The following FHIP2B variants were observed in gnomAD, a reference collection of about 807,000 sequenced individuals.
The protein encoded by FHIP2B is FHF complex subunit HOOK-interacting protein 2B.
Under a neutral mutation model 84.0 loss-of-function variants are expected in FHIP2B, and 72 were observed. That is an observed-to-expected ratio of 0.86 (90% CI 0.71 to 1.04). The LOEUF (loss-of-function observed/expected upper bound fraction) is 1.04. Ranked by LOEUF, FHIP2B falls within the 50% of genes least tolerant of loss-of-function variation. FHIP2B has a pLI of 0.00. For synonymous variants in FHIP2B, 497 were observed against 418.7 expected, an observed-to-expected ratio of 1.19 and a Z score of -2.28; for missense variants, 972 against 968.9, an observed-to-expected ratio of 1.00 and a Z score of -0.04.
intron 14 of FHIP2B, 89 bp from the exon 15 acceptor site, chr8:22,102,086 G>C: frequency 6.2e-7 from 1 of 1,604,834 alleles, no homozygotes; most frequent in Non-Finnish European, 8.5e-7. Flanking sequence ...CCCCACACAC[G>C]TTCACAGTGG....
chr8:22,092,915 A>T (rs7820576), intron 1 of FHIP2B, among the ~76,000 whole-genome samples: 1 of 151,968 alleles, frequency 6.6e-6, no homozygotes, highest in Non-Finnish European at 1.5e-5. Flanking sequence ...TCGTTATTCA[A>T]TGCGGTTTTA....
At chr8:22,099,671 A>G (rs778605240) in intron 9 of FHIP2B, 33 bp from the exon 10 acceptor site, 1 of 1,542,728 alleles carries the variant, frequency 6.5e-7, no homozygotes, top group Non-Finnish European at 8.7e-7. Context: ...GTCTGCACAC[A>G]CCGGGCCTGG....
At position 22,097,418 on chromosome 8, in the gene FHIP2B, A is replaced by G. The variant is rs576276200; in HGVS notation, c.298-98A>G. The G allele has an allele frequency of 3.4e-5, 27 of 787,674 alleles. No homozygotes were observed. In the South Asian group the frequency reaches 4.3e-4, roughly 13 times the overall value. 48.8% of individuals were successfully genotyped at this position (787,674 alleles called of 1,614,324 possible). Reference sequence around the variant, plus strand: ...CCCAGGCATGCGGCAGGCAGGGGACACGGCTCTGACAGGCGCTCTGTCCCT... The same window carrying G: ...CCCAGGCATGCGGCAGGCAGGGGACGCGGCTCTGACAGGCGCTCTGTCCCT... On this transcript the variant is annotated intron_variant, in intron 3 of 16. Transcript: ENST00000289921.
In FHIP2B at chr8:22,099,640, G is replaced by A. The variant is rs74482324; in HGVS notation, c.1152-64G>A. 8.2e-4 allele frequency: 1,224 copies of A among 1,494,136 alleles called. 9 individuals are homozygous for A. The East Asian group carries it at 0.019, about 23-fold the overall frequency. The allele number at this position is 1,494,136 out of a possible 1,614,324, so 92.6% of individuals were successfully genotyped here. A position where few individuals can be genotyped will look rare whatever the true frequency, so the allele number is the denominator to read the frequency against. ...CATGCGAGGCAAGCAGGAAGGGTTC[G>A]GCCACCCGCACTCATGTGCTGTCTG... On this transcript the variant is annotated intron_variant, in intron 9 of 16. Coordinates refer to ENST00000289921, the MANE Select transcript of FHIP2B (RefSeq NM_022749.7).
intron 2 of FHIP2B, chr8:22,095,401 A>G (rs892246856): frequency 1.3e-5 from 2 of 152,296 alleles, no homozygotes; most frequent in Non-Finnish European, 2.9e-5. Flanking sequence ...ACTAGGTGCC[A>G]GTAGCACACC....
intron 1 of FHIP2B, among the ~76,000 whole-genome samples, chr8:22,093,067 G>A (rs965486243): frequency 2.0e-5 from 3 of 152,152 alleles, no homozygotes; most frequent in Non-Finnish European, 4.4e-5. Flanking sequence ...CAGTTCTGTG[G>A]TGCAGTAAAG....
chr8:22,100,683 G>C lies in FHIP2B; in HGVS notation c.1431G>C (p.Glu477Asp). Residue 477 changes from glutamate (E) to aspartate (D), a missense_variant, in exon 11 of 17, where the codon GAG becomes GAC. Physicochemically the swap from Glu to Asp is conservative, Grantham distance 45. Transcript: ENST00000289921. Reference protein sequence around the residue: ...IIHSLVLRNLEGRPYVAWGSP... With the variant: ...IIHSLVLRNLDGRPYVAWGSP... Reference sequence around the variant, plus strand: ...ACAGCCTGGTCCTGCGCAACCTTGAGGGCCGCCCTTACGTGGCCTGGGGCT... The same window carrying C: ...ACAGCCTGGTCCTGCGCAACCTTGACGGCCGCCCTTACGTGGCCTGGGGCT... 1 of 1,607,212 alleles carries C rather than the reference G, an allele frequency of 6.2e-7. No homozygotes were observed. Among genetic ancestry groups the C allele is most frequent in the Non-Finnish European group, 8.5e-7 (1 of 1,176,338 alleles).
intron 13 of FHIP2B, 77 bp downstream of exon 13, chr8:22,101,607 C>A: frequency 6.4e-7 from 1 of 1,559,278 alleles, no homozygotes; most frequent in Non-Finnish European, 8.7e-7. Flanking sequence ...TTCCGCCTCT[C>A]TCATCTGCCC....
In FHIP2B at chr8:22,102,902, G is replaced by T. The variant is rs371562419; in HGVS notation, c.2203G>T (p.Val735Phe). The T allele has an allele frequency of 6.2e-7, 1 of 1,613,624 alleles. No individual in the cohort carries two copies. Among genetic ancestry groups the T allele is most frequent in the South Asian group, 1.1e-5 (1 of 91,076 alleles). Residue 735 changes from valine (V) to phenylalanine (F), a missense_variant, in exon 17 of 17, where the codon GTC becomes TTC. Physicochemically the swap from Val to Phe is conservative, Grantham distance 50. Transcript: ENST00000289921. ...KFPPHDPRQN[V>F]SPAPEGQV ...TCCCCCACATGATCCTCGCCAGAAC[G>T]TCTCCCCAGCCCCGGAAGGGCAGGT...
At chr8:22,094,541 C>G (rs770939639) in intron 2 of FHIP2B, 23 bp downstream of exon 2, 1 of 1,609,012 alleles carries the variant, frequency 6.2e-7, no homozygotes, top group Non-Finnish European at 8.5e-7. Context: ...CCTCCCCAGC[C>G]CAGGGACCCT....
rs1157307734 is a variant in FHIP2B at position 22,098,091 on chromosome 8, G to A, written c.549G>A (p.Lys183=). 2.5e-6 allele frequency: 4 copies of A among 1,591,970 alleles called. No homozygotes were observed. The South Asian group carries it at 3.4e-5, about 14-fold the overall frequency. The change falls in exon 6 of 17, where the codon AAG becomes AAA. Residue 183 remains lysine (K), a synonymous_variant. Transcript: ENST00000289921. ...ILEGKKIVGR[K]KACGEPTALP... is the part of the protein sequence containing the mutation. ...AGGGTAAAAAGATTGTAGGTAGGAA[G>A]AAAGCATGCGGAGAACCCACTGCCC...
intron 2 of FHIP2B, chr8:22,095,302 G>C (rs1283233231): frequency 1.3e-5 from 2 of 152,308 alleles, no homozygotes; most frequent in Non-Finnish European, 2.9e-5. Context: ...TCTCAATCTT[G>C]GCACAGTTGG....
chr8:22,094,457 C>T lies in FHIP2B; in HGVS notation c.63C>T (p.Asp21=). The change falls in exon 2 of 17, where the codon GAC becomes GAT. Residue 21 remains aspartate (D), a synonymous_variant. Transcript: ENST00000289921. The part of the protein sequence containing the change: ...EAVGAREPSI[D]LLQAFVEHWK... ...CTCCGCAGCGCGAGCCCAGCATTGA[C>T]CTGCTGCAGGCCTTCGTGGAGCACT... 1.2e-6 allele frequency: 2 copies of T among 1,610,884 alleles called. No homozygotes were observed. The highest frequency in any genetic ancestry group is 1.1e-5 in the South Asian group (1 of 90,972).
intron 13 of FHIP2B, 57 bp downstream of exon 13, chr8:22,101,587 A>G: frequency 6.3e-7 from 1 of 1,575,362 alleles, no homozygotes; most frequent in Non-Finnish European, 8.7e-7. Context: ...GCTGGGTCAT[A>G]AGCTCTGGGT....
intron 2 of FHIP2B, 95 bp from the exon 3 acceptor site, chr8:22,096,241 AC>A: frequency 8.0e-7 from 1 of 1,248,694 alleles, no homozygotes; most frequent in Non-Finnish European, 1.1e-6. Flanking sequence ...CCCAGACAGG[AC>A]CTCCCCTTTC....
At chr8:22,102,479 T>G in intron 15 of FHIP2B, 49 bp from the exon 16 acceptor site, 1 of 1,538,816 alleles carries the variant, frequency 6.5e-7, no homozygotes, top group South Asian at 1.2e-5. Context: ...GCCAGGGGAC[T>G]CACTGGTGTT....
At chr8:22,093,706 G>GTGTTTTT (rs1328224891) in intron 1 of FHIP2B, among the ~76,000 whole-genome samples, 1 of 36,212 alleles carries the variant, frequency 2.8e-5, no homozygotes, top group Admixed American at 4.0e-4. Flanking sequence ...GAAAAGCTTT[G>GTGTTTTT]TCTTTTTTTT....
intron 2 of FHIP2B, 151 bp downstream of exon 2, chr8:22,094,669 A>T: frequency 6.7e-7 from 1 of 1,488,398 alleles, no homozygotes; most frequent in South Asian, 1.3e-5. Context: ...AACCAGACAG[A>T]CAGAAGACCC....
rs1586351731 is a variant in FHIP2B at position 22,103,036 on chromosome 8, C to G, written c.*105C>G. 7.1e-7 allele frequency: 1 copy of G among 1,403,986 alleles called. No homozygotes were observed. The highest frequency in any genetic ancestry group is 2.5e-5 in the East Asian group (1 of 40,326). The allele number at this position is 1,403,986 out of a possible 1,614,324, so 87.0% of individuals were successfully genotyped here. On this transcript the variant is annotated 3_prime_UTR_variant, in exon 17 of 17. Transcript: ENST00000289921. Reference sequence around the variant, plus strand: ...CCCCTCCTGGGATGGGGCTTCTGCTCCCGGGCTCACTCAAGGAGACTGCGG... The same window carrying G: ...CCCCTCCTGGGATGGGGCTTCTGCTGCCGGGCTCACTCAAGGAGACTGCGG...
Sources: gnomAD v4.1 joint callset for allele counts (sites outside exome capture counted in the v4.1 genomes callset) on GRCh38, gnomAD v4.1.1 for gene constraint, MANE v1.5 for transcripts, NCBI Gene and HGNC (gene_info 2026-07-23, HGNC 2026-07-21) for gene names.